GRID2: variants seen among roughly 807,000 people sequenced by gnomAD.
GRID2 encodes glutamate ionotropic receptor delta type subunit 2, also known as glutamate receptor ionotropic, delta-2.
GRID2 carries 33 observed loss-of-function variants against 114.8 expected under a neutral mutation model. The observed-to-expected ratio is 0.29, with a 90% confidence interval of 0.22 to 0.38. The LOEUF (loss-of-function observed/expected upper bound fraction) is 0.38, where lower values mean the gene tolerates loss of function less well. Among genes scored for constraint, GRID2 ranks in the 10% least tolerant of loss-of-function variants. The probability of loss-of-function intolerance (pLI) is 1.00; values close to 1 mark genes in which losing one functional copy is unlikely to be tolerated. For missense variants in GRID2, 1,184 were observed against 1,257.7 expected (o/e 0.94, Z 0.89); for synonymous variants, 505 against 449.9 (o/e 1.12, Z -1.55).
At chr4:93,455,014 C>T (rs1022605760) in intron 10 of GRID2, among the ~76,000 whole-genome samples, 2 of 152,060 alleles carry the variant, frequency 1.3e-5, no homozygotes, top group Non-Finnish European at 2.9e-5. Flanking sequence ...TAAGAAGACA[C>T]ATTAGAAAGG....
At chr4:92,359,921 C>T (rs1728533127) in intron 1 of GRID2, among the ~76,000 whole-genome samples, 2 of 151,880 alleles carry the variant, frequency 1.3e-5, no homozygotes, top group South Asian at 4.2e-4. Context: ...TAGTTGGGTA[C>T]CAGAGGCAGC....
intron 10 of GRID2, among the ~76,000 whole-genome samples, chr4:93,453,902 A>G (rs1722947184): frequency 6.6e-6 from 1 of 152,052 alleles, no homozygotes; most frequent in Admixed American, 6.6e-5. Flanking sequence ...TTTATTCATC[A>G]TTAAAATCAA....
chr4:92,812,007 A>T (rs1436859489), intron 2 of GRID2, among the ~76,000 whole-genome samples: 1 of 152,126 alleles, frequency 6.6e-6, no homozygotes, highest in Non-Finnish European at 1.5e-5. Context: ...TGCATAAGTA[A>T]ACTCCATTTG....
intron 1 of GRID2, among the ~76,000 whole-genome samples, chr4:92,327,090 T>C (rs1325028861): frequency 6.6e-6 from 1 of 152,032 alleles, no homozygotes; most frequent in African/African-American, 2.4e-5. Context: ...AAAATATTTC[T>C]TCTACTGAGT....
At chr4:93,350,113 A>T (rs1760653081) in intron 8 of GRID2, among the ~76,000 whole-genome samples, 1 of 152,066 alleles carries the variant, frequency 6.6e-6, no homozygotes. Flanking sequence ...ATTTTAGAAA[A>T]TTACCTAAAG....
intron 1 of GRID2, among the ~76,000 whole-genome samples, chr4:92,555,879 G>T (rs1326691580): frequency 1.3e-5 from 2 of 152,048 alleles, no homozygotes; most frequent in African/African-American, 4.8e-5. Context: ...GTTGTTAGAG[G>T]CTGCCTCAGT....
intron 2 of GRID2, among the ~76,000 whole-genome samples, chr4:92,943,532 C>A (rs2149540774): frequency 6.6e-6 from 1 of 152,170 alleles, no homozygotes; most frequent in South Asian, 2.1e-4. Flanking sequence ...GAACTTCCTC[C>A]TTTAGCTCGG....
intron 8 of GRID2, among the ~76,000 whole-genome samples, chr4:93,307,060 G>T (rs1418040327): frequency 6.6e-6 from 1 of 152,028 alleles, no homozygotes; most frequent in Admixed American, 6.6e-5. Flanking sequence ...GCTGGGCATG[G>T]TGGTGTGTGC....
intron 7 of GRID2, among the ~76,000 whole-genome samples, chr4:93,231,416 A>G (rs1746131205): frequency 2.0e-5 from 3 of 151,028 alleles, no homozygotes; most frequent in Admixed American, 6.6e-5. Flanking sequence ...AGAAATTTAG[A>G]GGCCAGTAGT....
At chr4:92,493,415 C>A (rs983598772) in intron 1 of GRID2, among the ~76,000 whole-genome samples, 2 of 152,118 alleles carry the variant, frequency 1.3e-5, no homozygotes, top group Non-Finnish European at 2.9e-5. Context: ...TCATAGTGGA[C>A]AAGAGAGACA....
At chr4:93,450,824 A>G (rs1302757023) in intron 10 of GRID2, among the ~76,000 whole-genome samples, 2 of 151,878 alleles carry the variant, frequency 1.3e-5, no homozygotes, top group Admixed American at 1.3e-4. Flanking sequence ...AATATATTGA[A>G]TTTTCTATAG....
At chr4:92,382,670 C>T (rs1254002406) in intron 1 of GRID2, among the ~76,000 whole-genome samples, 1 of 151,836 alleles carries the variant, frequency 6.6e-6, no homozygotes, top group Non-Finnish European at 1.5e-5. Flanking sequence ...AATAAATTCA[C>T]TTTCAAATTT....
chr4:93,785,395 G>A (rs1166104612), intron 1 of GRID2, among the ~76,000 whole-genome samples: 1 of 152,066 alleles, frequency 6.6e-6, no homozygotes, highest in African/African-American at 2.4e-5. Context: ...CTAGAGAATG[G>A]GATTCCAAGT....
At chr4:93,632,145 AT>A (rs1560842951) in intron 14 of GRID2, among the ~76,000 whole-genome samples, 1 of 151,872 alleles carries the variant, frequency 6.6e-6, no homozygotes, top group Non-Finnish European at 1.5e-5. Context: ...GATTGCAAAA[AT>A]TTTCTCCCAT....
chr4:93,720,712 A>G (rs1395964777), intron 14 of GRID2, among the ~76,000 whole-genome samples: 2 of 152,146 alleles, frequency 1.3e-5, no homozygotes, highest in South Asian at 2.1e-4. Context: ...TCTTTTTTCC[A>G]TCAAGTCAAA....
At chr4:92,647,646 A>G (rs969407107) in intron 2 of GRID2, among the ~76,000 whole-genome samples, 1 of 149,662 alleles carries the variant, frequency 6.7e-6, no homozygotes, top group African/African-American at 2.5e-5. Context: ...CATACCAACA[A>G]TTTTAGATCA....
intron 2 of GRID2, among the ~76,000 whole-genome samples, chr4:92,605,290 G>T (rs1729403096): frequency 6.6e-6 from 1 of 151,874 alleles, no homozygotes; most frequent in Admixed American, 6.6e-5. Context: ...GAATTTCCAA[G>T]GTCAATTTAT....
At chr4:92,983,680 A>G (rs959472238) in intron 2 of GRID2, among the ~76,000 whole-genome samples, 1 of 152,104 alleles carries the variant, frequency 6.6e-6, no homozygotes, top group African/African-American at 2.4e-5. Flanking sequence ...TTTAAGATGG[A>G]AAACACCTAT....
rs569130324 is a variant in GRID2, at chr4:92,473,708, C to T, written c.89-116423C>T. On this transcript the variant is annotated intron_variant, in intron 1 of 15. Coordinates refer to ENST00000282020, the MANE Select transcript of GRID2 (RefSeq NM_001510.4). Reference sequence around the variant, plus strand: ...TGTTGTTAGCTATCGCGTTCTAAAACCATCAATAGTGTCAAGTTGGATGAT... The same window carrying T: ...TGTTGTTAGCTATCGCGTTCTAAAATCATCAATAGTGTCAAGTTGGATGAT... 2.0e-5 allele frequency among the ~76,000 whole-genome samples: 3 copies of T among 152,068 alleles called. No individual in the cohort carries two copies. The South Asian group carries it at 6.2e-4, about 32-fold the overall frequency.
Sources: gnomAD v4.1 joint callset for allele counts (sites outside exome capture counted in the v4.1 genomes callset) on GRCh38, gnomAD v4.1.1 for gene constraint, MANE v1.5 for transcripts, NCBI Gene and HGNC (gene_info 2026-07-23, HGNC 2026-07-21) for gene names.